The following NCOA6 variants were observed in gnomAD, a reference collection of about 807,000 sequenced individuals.
NCOA6 encodes nuclear receptor coactivator 6, also known as NRC RAP250.
In NCOA6, 49 loss-of-function variants were observed where a neutral mutation model predicts 171.4. The ratio of observed to expected loss-of-function variants is 0.29; its 90% CI spans 0.23 to 0.36. The LOEUF is 0.36. Among genes scored for constraint, NCOA6 ranks in the 10% least tolerant of loss-of-function variants. The pLI is 1.00. For synonymous variants in NCOA6, 910 were observed against 927.5 expected (o/e 0.98, Z 0.34); for missense variants, 2,248 against 2,554.5 (o/e 0.88, Z 2.59).
intron 4 of NCOA6, among the ~76,000 whole-genome samples, chr20:34,769,565 C>T (rs566204764): frequency 6.6e-6 from 1 of 151,936 alleles, no homozygotes; most frequent in South Asian, 2.1e-4. Flanking sequence ...GGTTTCACCA[C>T]GTTGGCCAGG....
intron 1 of NCOA6, among the ~76,000 whole-genome samples, chr20:34,821,879 G>A (rs972609955): frequency 2.0e-5 from 3 of 152,114 alleles, no homozygotes; most frequent in Admixed American, 6.5e-5. Flanking sequence ...GAGCCAACAC[G>A]CCCAGACTTC....
chr20:34,820,712 A>G (rs905473575), intron 1 of NCOA6: 2 of 151,454 alleles, frequency 1.3e-5, no homozygotes, highest in African/African-American at 4.9e-5. Context: ...CGGAGGTTAC[A>G]ATGAGCTGAG....
At chr20:34,758,302 T>C (rs2145831774) in intron 6 of NCOA6, among the ~76,000 whole-genome samples, 198 bp from the exon 7 acceptor site, 1 of 152,336 alleles carries the variant, frequency 6.6e-6, no homozygotes, top group East Asian at 1.9e-4. Flanking sequence ...TGGTCAGTAG[T>C]GGACATTAAG....
At chr20:34,771,379 C>T (rs2146015211) in intron 4 of NCOA6, among the ~76,000 whole-genome samples, 1 of 152,288 alleles carries the variant, frequency 6.6e-6, no homozygotes, top group South Asian at 2.1e-4. Flanking sequence ...AGCAATCCTC[C>T]TGGCCTCAGC....
At position 34,741,291 on chromosome 20, in the gene NCOA6, G is replaced by A. The variant is rs2076133755; in HGVS notation, c.4965C>T (p.Phe1655=). The change falls in exon 11 of 15, where the codon TTC becomes TTT. Residue 1655 remains phenylalanine (F), a synonymous_variant. Transcript: ENST00000359003. ...ATGAATTGATAAAGACAGGTGTAATGAACTGAGGCCGGGCATTAGACTGAG... is the reference window on the plus strand; with the variant it reads ...ATGAATTGATAAAGACAGGTGTAATAAACTGAGGCCGGGCATTAGACTGAG... ...SAAQSNARPQ[F]ITPVFINSSS... The A allele has an allele frequency of 1.9e-6, 3 of 1,614,086 alleles. No homozygotes were observed. Among genetic ancestry groups the A allele is most frequent in the South Asian group, 1.1e-5 (1 of 91,076 alleles).
chr20:34,786,708 G>C (rs1208598428), intron 2 of NCOA6, among the ~76,000 whole-genome samples: 1 of 152,120 alleles, frequency 6.6e-6, no homozygotes, highest in East Asian at 1.9e-4. Context: ...TGATCTGAGA[G>C]ACTGTTATGA....
At chr20:34,736,032 T>C (rs1568730548) in intron 12 of NCOA6, among the ~76,000 whole-genome samples, 1 of 152,064 alleles carries the variant, frequency 6.6e-6, no homozygotes, top group South Asian at 2.1e-4. Context: ...TCTGCCTCCA[T>C]AGTCTATAAA....
At chr20:34,806,386 G>A (rs956896553) in intron 1 of NCOA6, among the ~76,000 whole-genome samples, 2 of 152,098 alleles carry the variant, frequency 1.3e-5, no homozygotes, top group African/African-American at 4.8e-5. Context: ...TTCCTTTGCT[G>A]TGCAGAAGCT....
intron 5 of NCOA6, among the ~76,000 whole-genome samples, chr20:34,768,152 A>T (rs2077035713): frequency 6.6e-6 from 1 of 152,216 alleles, no homozygotes; most frequent in Non-Finnish European, 1.5e-5. Context: ...TATTAAAATA[A>T]TGAGGGTAGA....
At chr20:34,767,845 C>T (rs2077028293) in intron 5 of NCOA6, among the ~76,000 whole-genome samples, 1 of 152,102 alleles carries the variant, frequency 6.6e-6, no homozygotes, top group South Asian at 2.1e-4. Flanking sequence ...GCTCCTTGAC[C>T]CTGGGCAAAT....
At chr20:34,807,986 C>T (rs1190521130) in intron 1 of NCOA6, among the ~76,000 whole-genome samples, 1 of 151,450 alleles carries the variant, frequency 6.6e-6, no homozygotes, top group East Asian at 2.0e-4. Flanking sequence ...CCTGTCTCTA[C>T]TAAAAACACA....
At chr20:34,765,753 C>CA (rs1410231351) in intron 5 of NCOA6, among the ~76,000 whole-genome samples, 1 of 151,952 alleles carries the variant, frequency 6.6e-6, no homozygotes, top group South Asian at 2.1e-4. Flanking sequence ...CCTCCCACAG[C>CA]AAAAAATTAT....
chr20:34,811,204 T>TGTATAC, intron 1 of NCOA6, among the ~76,000 whole-genome samples: 1 of 77,830 alleles, frequency 1.3e-5, no homozygotes, highest in Non-Finnish European at 2.7e-5. Context: ...ACAACGTGTA[T>TGTATAC]ATATATATAT....
At chr20:34,769,859 G>C (rs2077092231) in intron 4 of NCOA6, among the ~76,000 whole-genome samples, 1 of 152,120 alleles carries the variant, frequency 6.6e-6, no homozygotes, top group Non-Finnish European at 1.5e-5. Flanking sequence ...TATTGTTATT[G>C]TAAGAGAGCA....
At chr20:34,782,097 G>GA (rs1727115497) in intron 3 of NCOA6, 24 bp downstream of exon 3, 3 of 1,467,916 alleles carry the variant, frequency 2.0e-6, no homozygotes, top group Non-Finnish European at 2.8e-6. Flanking sequence ...GTAACAGGAA[G>GA]AAAAAATAAT....
chr20:34,775,305 G>GGTGTGTGTGT (rs112658298), intron 4 of NCOA6, among the ~76,000 whole-genome samples: 44 of 148,328 alleles, frequency 3.0e-4, no homozygotes, highest in African/African-American at 8.4e-4. Flanking sequence ...TAGGGGTGTA[G>GGTGTGTGTGT]GTGTGTGTGT....
In NCOA6 at chr20:34,715,488, G is replaced by C. The variant is rs115606861; in HGVS notation, c.6149-123C>G. On this transcript the variant is annotated intron_variant, in intron 14 of 14. Transcript: ENST00000359003. ...CTACTCAACTCAGAATCTGTCTAAG[G>C]GGTGCTCTGAATGGAGAGAGTCACA... The C allele has an allele frequency of 3.3e-5, 24 of 718,292 alleles. No individual in the cohort carries two copies. The South Asian group carries it at 3.8e-4, about 11-fold the overall frequency. The allele number at this position is 718,292 out of a possible 1,614,324, so 44.5% of individuals were successfully genotyped here.
In NCOA6 at chr20:34,757,809, A is replaced by G; in HGVS notation, c.939T>C (p.Pro313=). The G allele has an allele frequency of 6.2e-7, 1 of 1,614,114 alleles. No homozygotes were observed. Among genetic ancestry groups the G allele is most frequent in the Non-Finnish European group, 8.5e-7 (1 of 1,180,020 alleles). The change falls in exon 7 of 15, where the codon CCT becomes CCC. Residue 313 remains proline (P), a synonymous_variant. Coordinates refer to ENST00000359003, the MANE Select transcript of NCOA6 (RefSeq NM_014071.5). ...GCAGCTGGTTCCAGCCTGGAGGAAC[A>G]GGCACCTGAGTTGGGGCAGTAAACT... ...RPQFTAPTQV[P]VPPGWNQLPS...
chr20:34,763,747 A>C (rs1436061104), intron 5 of NCOA6, among the ~76,000 whole-genome samples: 3 of 152,162 alleles, frequency 2.0e-5, no homozygotes, highest in Non-Finnish European at 4.4e-5. Flanking sequence ...CAATTCCACA[A>C]CACCCATTCT....
Sources: allele counts gnomAD v4.1 joint callset (sites outside exome capture counted in the v4.1 genomes callset), GRCh38; gene constraint gnomAD v4.1.1; transcripts MANE v1.5; gene names NCBI Gene and HGNC (gene_info 2026-07-23, HGNC 2026-07-21).